ANKS1B: variants seen among roughly 807,000 people sequenced by gnomAD.
The protein encoded by ANKS1B is ankyrin repeat and sterile alpha motif domain-containing protein 1B.
A neutral mutation model predicts 148.3 loss-of-function variants in ANKS1B; 36 were observed. That is an observed-to-expected ratio of 0.24 (90% confidence interval 0.19 to 0.32). The LOEUF is 0.32. Among genes scored for constraint, ANKS1B ranks in the 10% least tolerant of loss-of-function variants. The pLI is 1.00. For synonymous variants in ANKS1B, 542 were observed against 560.8 expected, an observed-to-expected ratio of 0.97 and a Z score of 0.47; for missense variants, 1,157 against 1,542.6, an observed-to-expected ratio of 0.75 and a Z score of 4.19.
chr12:99,638,137 T>A lies in ANKS1B; in HGVS notation c.1272+16930A>T, dbSNP rs560772427. ...TTCTGCCACGAACTAATATAGTAAA[T>A]TGGTAACACAGAGAGTGGGGGACTG... On this transcript the variant is annotated intron_variant, in intron 9 of 26. Coordinates refer to ENST00000683438, the MANE Select transcript of ANKS1B (RefSeq NM_001352186.2). Among the ~76,000 whole-genome samples, 483 of 152,152 alleles carry A rather than the reference T, an allele frequency of 3.2e-3. 3 individuals are homozygous for A. The highest frequency in any genetic ancestry group is 0.011 in the African/African-American group (463 of 41,492).
chr12:99,793,874 G>A (rs1229429182), intron 4 of ANKS1B, among the ~76,000 whole-genome samples: 1 of 151,998 alleles, frequency 6.6e-6, no homozygotes, highest in Admixed American at 6.6e-5. Context: ...AATCAACAAA[G>A]TGAAGAGACA....
chr12:99,119,263 C>T (rs2062133271), intron 15 of ANKS1B, among the ~76,000 whole-genome samples: 1 of 151,990 alleles, frequency 6.6e-6, no homozygotes, highest in South Asian at 2.1e-4. Flanking sequence ...GATGTGGGCA[C>T]AAATCAGGGT....
In ANKS1B at chr12:99,452,319, C is replaced by A. The variant is rs376715141; in HGVS notation, c.1439-8510G>T. Among the ~76,000 whole-genome samples, 6 of 152,194 alleles carry A rather than the reference C, an allele frequency of 3.9e-5. No individual in the cohort carries two copies. The East Asian group carries it at 1.2e-3, about 29-fold the overall frequency. On this transcript the variant is annotated intron_variant, in intron 10 of 26. Coordinates refer to ENST00000683438, the MANE Select transcript of ANKS1B (RefSeq NM_001352186.2). ...ATGGAAATGTTTTCCCTTTTATGGA[C>A]AGACCTAGAAGAATGTTATATTATA...
intron 17 of ANKS1B, among the ~76,000 whole-genome samples, chr12:98,978,693 G>A (rs1034277165): frequency 6.6e-6 from 1 of 151,822 alleles, no homozygotes; most frequent in African/African-American, 2.4e-5. Context: ...TGTATAACGT[G>A]ATCCTTACAA....
chr12:99,564,385 G>GA (rs145950651), intron 9 of ANKS1B, among the ~76,000 whole-genome samples: 2 of 148,818 alleles, frequency 1.3e-5, no homozygotes, highest in Non-Finnish European at 3.0e-5. Context: ...ATTGCTCAGT[G>GA]AAAAAAAAAT....
chr12:99,162,491 T>C (rs2076759491), intron 14 of ANKS1B, among the ~76,000 whole-genome samples: 1 of 152,192 alleles, frequency 6.6e-6, no homozygotes, highest in African/African-American at 2.4e-5. Context: ...TTTAGTGCTC[T>C]GGGTTTTTTT....
chr12:99,347,729 G>A (rs1278421196), intron 12 of ANKS1B, among the ~76,000 whole-genome samples: 1 of 151,800 alleles, frequency 6.6e-6, no homozygotes, highest in Non-Finnish European at 1.5e-5. Context: ...AAAACTTGGG[G>A]ACAAGAAGAA....
At chr12:99,869,923 A>C (rs1603410722) in intron 1 of ANKS1B, among the ~76,000 whole-genome samples, 1 of 152,136 alleles carries the variant, frequency 6.6e-6, no homozygotes. Context: ...TTTAATTTCA[A>C]CTTTTTTTTC....
intron 22 of ANKS1B, chr12:98,794,457 G>T: frequency 3.5e-6 from 1 of 287,016 alleles, no homozygotes; most frequent in Non-Finnish European, 6.8e-6. Context: ...CTTGGCGTTT[G>T]GTCGATGGGG....
Position 99,246,735 on chromosome 12 carries a change from C to G in ANKS1B, c.1886G>C (p.Arg629Thr), listed in dbSNP as rs1317237929. ...ATCTTGTCCTTTTTCACATTGTTCT[C>G]TTTTCCCATAGAGATGAAATGGATT... ...PENPFHLYGK[R>T]EQCEKGQDEV... Residue 629 changes from arginine (R) to threonine (T), a missense_variant, in exon 13 of 27, where the codon AGA (arginine) becomes ACA (threonine). Transcript: ENST00000683438. The G allele has an allele frequency of 6.2e-7, 1 of 1,613,902 alleles. No homozygotes were observed. Among genetic ancestry groups the G allele is most frequent in the Non-Finnish European group, 8.5e-7 (1 of 1,179,858 alleles).
intron 17 of ANKS1B, chr12:98,976,426 C>T (rs1439941549): frequency 6.6e-6 from 1 of 152,150 alleles, no homozygotes. Flanking sequence ...TTGACTAATC[C>T]TTCTAGTGAA....
At chr12:98,788,262 C>A (rs375368146) in intron 22 of ANKS1B, among the ~76,000 whole-genome samples, 376 of 114,892 alleles carry the variant, frequency 3.3e-3, no homozygotes, top group Admixed American at 3.5e-3. Context: ...AGAAAACAGA[C>A]AAAAAAAAAA....
At chr12:99,720,434 T>G (rs371521350) in intron 8 of ANKS1B, among the ~76,000 whole-genome samples, 3 of 152,180 alleles carry the variant, frequency 2.0e-5, no homozygotes, top group Admixed American at 1.3e-4. Context: ...TACAGTCCAA[T>G]AGCAGACCAG....
intron 14 of ANKS1B, among the ~76,000 whole-genome samples, chr12:99,204,693 T>C (rs906441525): frequency 1.3e-5 from 2 of 152,162 alleles, no homozygotes; most frequent in Non-Finnish European, 2.9e-5. Context: ...CCCTAAAACC[T>C]AAAGGCAGAG....
intron 12 of ANKS1B, among the ~76,000 whole-genome samples, chr12:99,294,679 G>A (rs1310817945): frequency 6.6e-6 from 1 of 151,604 alleles, no homozygotes; most frequent in Non-Finnish European, 1.5e-5. Flanking sequence ...TTGAGACAAA[G>A]TTTCGCTCCT....
intron 8 of ANKS1B, among the ~76,000 whole-genome samples, chr12:99,677,344 T>A (rs2098582313): frequency 6.6e-6 from 1 of 151,240 alleles, no homozygotes; most frequent in Non-Finnish European, 1.5e-5. Context: ...GTTTTTTTAT[T>A]TTTTTGTTTT....
chr12:99,410,305 A>G (rs975861970), intron 11 of ANKS1B, among the ~76,000 whole-genome samples: 2 of 151,960 alleles, frequency 1.3e-5, no homozygotes, highest in African/African-American at 4.8e-5. Context: ...GACCTTATGA[A>G]CGAAGACTTA....
At chr12:98,827,672 G>A (rs1456782439) in intron 19 of ANKS1B, among the ~76,000 whole-genome samples, 1 of 152,148 alleles carries the variant, frequency 6.6e-6, no homozygotes, top group African/African-American at 2.4e-5. Flanking sequence ...AAAAAACCCT[G>A]CAGTATATGG....
chr12:98,950,635 GC>G (rs61055496), intron 17 of ANKS1B, among the ~76,000 whole-genome samples: 13,005 of 152,032 alleles, frequency 0.086, 937 homozygotes, highest in African/African-American at 0.19. Flanking sequence ...TTTTAGTCCT[GC>G]CCCCCAAAAG....
Sources: allele counts gnomAD v4.1 joint callset (sites outside exome capture counted in the v4.1 genomes callset), GRCh38; gene constraint gnomAD v4.1.1; transcripts MANE v1.5; gene names NCBI Gene and HGNC (gene_info 2026-07-23, HGNC 2026-07-21).